MANF: variants seen among roughly 807,000 people sequenced by gnomAD.
The protein encoded by MANF is mesencephalic astrocyte-derived neurotrophic factor.
In MANF, 9 loss-of-function variants were observed where a neutral mutation model predicts 19.1. That is an observed-to-expected ratio of 0.47 (90% CI 0.28 to 0.82). The LOEUF (loss-of-function observed/expected upper bound fraction) is 0.82. Among genes scored for constraint, MANF ranks in the 40% least tolerant of loss-of-function variants. The pLI, the probability that MANF is intolerant of heterozygous loss-of-function variation, is 0.10. For missense variants in MANF, 225 were observed against 226.7 expected (o/e 0.99, Z 0.05); for synonymous variants, 89 against 88.0 (o/e 1.01, Z -0.06).
In MANF at chr3:51,385,733, C is replaced by A. The variant is rs542095489; in HGVS notation, c.94+297C>A. 2.2e-5 allele frequency: 7 copies of A among 317,162 alleles called. No individual in the cohort carries two copies. In the South Asian group the frequency reaches 4.0e-4, roughly 18 times the overall value. The allele number at this position is 317,162 out of a possible 1,614,324, so 19.6% of individuals were successfully genotyped here. A position where few individuals can be genotyped will look rare whatever the true frequency, so the allele number is the denominator to read the frequency against. ...TGTCCCCACCACCATCTAGAGGTTACCGCTCCCCGTTCGGCGTCGGGAGCT... is the reference window on the plus strand; with the variant it reads ...TGTCCCCACCACCATCTAGAGGTTAACGCTCCCCGTTCGGCGTCGGGAGCT... On this transcript the variant is annotated intron_variant, in intron 1 of 3. Transcript: ENST00000528157.
chr3:51,388,994 A>C lies in MANF; in HGVS notation c.454A>C (p.Lys152Gln). 19 of 1,609,076 alleles carry C rather than the reference A, an allele frequency of 1.2e-5. No homozygotes were observed. Among genetic ancestry groups the C allele is most frequent in the Non-Finnish European group, 1.6e-5 (19 of 1,177,548 alleles). ...KILDDWGETC[K>Q]GCAEKSDYIR... is the part of the protein sequence containing the mutation. ...TCTGGATGACTGGGGGGAGACATGC[A>C]AAGGCTGTGCAGAAAAGTCTGACTA... Residue 152 changes from lysine to glutamine, a missense_variant, in exon 4 of 4, where the codon AAA becomes CAA. Transcript: ENST00000528157.
rs929532691 is a variant in MANF, at chr3:51,388,010, G to A, written c.364+132G>A. 27 of 895,966 alleles carry A rather than the reference G, an allele frequency of 3.0e-5. No individual in the cohort carries two copies. The African/African-American group carries it at 4.0e-4, about 13-fold the overall frequency. 55.5% of individuals were successfully genotyped at this position (895,966 alleles called of 1,614,324 possible). Reference sequence around the variant, plus strand: ...ATGACAGATGGTGCTAAATGCTGGAGGGCTCTGGCATGGAAGTGGGTGGAG... The same window carrying A: ...ATGACAGATGGTGCTAAATGCTGGAAGGCTCTGGCATGGAAGTGGGTGGAG... On this transcript the variant is annotated intron_variant, in intron 3 of 3. Coordinates refer to ENST00000528157, the MANE Select transcript of MANF (RefSeq NM_006010.6).
At chr3:51,388,323 CTA>C (rs1424688912) in intron 3 of MANF, among the ~76,000 whole-genome samples, 2 of 152,330 alleles carry the variant, frequency 1.3e-5, no homozygotes, top group East Asian at 3.9e-4. Context: ...AAAAGAAACA[CTA>C]TGTCCAAGCA....
At chr3:51,387,661 G>A in intron 2 of MANF, 76 bp from the exon 3 acceptor site, 1 of 1,406,972 alleles carries the variant, frequency 7.1e-7, no homozygotes, top group Non-Finnish European at 9.8e-7. Flanking sequence ...GAGAGATGAT[G>A]TTTCAAGGTG....
intron 2 of MANF, 21 bp downstream of exon 2, chr3:51,386,356 C>T (rs183359314): frequency 7.6e-5 from 122 of 1,613,392 alleles, no homozygotes; most frequent in Non-Finnish European, 2.8e-5. Context: ...GGTGATCCTC[C>T]CCAACTGGCC....
Position 51,386,211 on chromosome 3 carries a change from G to T in MANF, c.98G>T (p.Cys33Phe). The change falls in exon 2 of 4, where the codon TGT (cysteine) becomes TTT (phenylalanine). Residue 33 changes from cysteine (C) to phenylalanine (F), a missense_variant. By Grantham distance (205) the Cys-to-Phe change is radical. Transcript: ENST00000528157. ...CTCCCGTCCCTCTCTTTTCCAGTTT[G>T]TATTTCTTATCTGGGAAGATTTTAC... Reference protein sequence around the residue: ...RALRPGDCEVCISYLGRFYQD... With the variant: ...RALRPGDCEVFISYLGRFYQD... 1 of 1,613,316 alleles carries T rather than the reference G, an allele frequency of 6.2e-7. No homozygotes were observed. The highest frequency in any genetic ancestry group is 8.5e-7 in the Non-Finnish European group (1 of 1,179,568).
intron 2 of MANF, 113 bp from the exon 3 acceptor site, chr3:51,387,624 A>C: frequency 1.0e-6 from 1 of 999,168 alleles, no homozygotes; most frequent in Non-Finnish European, 1.5e-6. Flanking sequence ...AGGGAGCCCT[A>C]TCTCAAAACA....
intron 2 of MANF, among the ~76,000 whole-genome samples, chr3:51,386,603 C>T (rs1392915402): frequency 6.6e-6 from 1 of 152,196 alleles, no homozygotes; most frequent in Non-Finnish European, 1.5e-5. Context: ...AAGTGACAGT[C>T]GGACACACAA....
At position 51,385,413 on chromosome 3, in the gene MANF, C is replaced by T; in HGVS notation, c.71C>T (p.Ala24Val). 1 of 1,236,364 alleles carries T rather than the reference C, an allele frequency of 8.1e-7. No homozygotes were observed. The highest frequency in any genetic ancestry group is 1.0e-6 in the Non-Finnish European group (1 of 989,052). The allele number at this position is 1,236,364 out of a possible 1,614,324, so 76.6% of individuals were successfully genotyped here. ...CTGAGCGTGCTGCCGGGCAGCCGGG[C>T]GCTGCGGCCGGGCGACTGCGAAGGT... ...LALSVLPGSR[A>V]LRPGDCEVCI... Residue 24 changes from alanine (A) to valine (V), a missense_variant, in exon 1 of 4, where the codon GCG (alanine) becomes GTG (valine). By Grantham distance (64) the Ala-to-Val change is moderately conservative. Transcript: ENST00000528157.
At position 51,385,337 on chromosome 3, in the gene MANF, AGGAGGATGAGGAGGATGT is replaced by A. The variant is rs1163365289; in HGVS notation, c.-3_15del. On this transcript the variant is annotated start_lost and 5_prime_UTR_variant, in exon 1 of 4. Coordinates refer to ENST00000528157, the MANE Select transcript of MANF (RefSeq NM_006010.6). ...GAGGAGGAGGAGGAGGAGGAGGATG[AGGAGGATGAGGAGGATGT>A]GGGCCACGCAGGGGCTGGCGGTGGC... 3 of 1,231,476 alleles carry A rather than the reference AGGAGGATGAGGAGGATGT, an allele frequency of 2.4e-6. No individual in the cohort carries two copies. In the Admixed American group the frequency reaches 1.3e-4, roughly 52 times the overall value. The allele number at this position is 1,231,476 out of a possible 1,614,324, so 76.3% of individuals were successfully genotyped here. A position where few individuals can be genotyped will look rare whatever the true frequency, so the allele number is the denominator to read the frequency against.
At position 51,389,310 on chromosome 3, in the gene MANF, A is replaced by AT. The variant is rs1438283311; in HGVS notation, c.*228dup. 11 of 455,350 alleles carry AT rather than the reference A, an allele frequency of 2.4e-5. No homozygotes were observed. Among genetic ancestry groups the AT allele is most frequent in the Non-Finnish European group, 4.2e-5 (11 of 261,752 alleles). The allele number at this position is 455,350 out of a possible 1,614,324, so 28.2% of individuals were successfully genotyped here. ...TCTAGGACTTCAAAGTGTGTCTGGG[A>AT]TTTTTTTATTAAAGAAAAAAAATTT... On this transcript the variant is annotated 3_prime_UTR_variant, in exon 4 of 4. Transcript: ENST00000528157.
intron 2 of MANF, among the ~76,000 whole-genome samples, chr3:51,387,214 G>A (rs899312826): frequency 5.3e-5 from 8 of 152,304 alleles, no homozygotes; most frequent in Middle Eastern, 3.4e-3. Flanking sequence ...CAGCACTTTG[G>A]GAGACCGAGG....
Position 51,386,467 on chromosome 3 carries a change from G to C in MANF, c.222+132G>C. ...CTACTCTCTCCATAAACTAATGTGA[G>C]AAGACTGAAGTGCTTCTATGTCCTT... On this transcript the variant is annotated intron_variant, in intron 2 of 3. Transcript: ENST00000528157. 5.3e-6 allele frequency: 5 copies of C among 952,298 alleles called. No individual in the cohort carries two copies. In the South Asian group the frequency reaches 8.3e-5, roughly 16 times the overall value. 59.0% of individuals were successfully genotyped at this position (952,298 alleles called of 1,614,324 possible).
intron 1 of MANF, 163 bp downstream of exon 1, chr3:51,385,599 C>G (rs1392808165): frequency 1.0e-5 from 4 of 399,140 alleles, no homozygotes; most frequent in Admixed American, 4.5e-5. Context: ...CTCCGGCGCC[C>G]GCCCTAGTAA....
Position 51,389,262 on chromosome 3 carries a change from C to G in MANF, c.*173C>G, listed in dbSNP as rs2106637791. ...CTACAGTACCCCCATGAGGGGATTCCCTTCCTTCTGTTGCTGGTGTACTCT... is the reference window on the plus strand; with the variant it reads ...CTACAGTACCCCCATGAGGGGATTCGCTTCCTTCTGTTGCTGGTGTACTCT... On this transcript the variant is annotated 3_prime_UTR_variant, in exon 4 of 4. Transcript: ENST00000528157. 1.8e-6 allele frequency: 1 copy of G among 570,690 alleles called. No homozygotes were observed. The highest frequency in any genetic ancestry group is 3.2e-5 in the East Asian group (1 of 31,420). 35.4% of individuals were successfully genotyped at this position (570,690 alleles called of 1,614,324 possible).
intron 3 of MANF, 99 bp downstream of exon 3, chr3:51,387,977 T>C (rs2088978958): frequency 8.2e-7 from 1 of 1,218,070 alleles, no homozygotes; most frequent in South Asian, 1.4e-5. Flanking sequence ...ATGAGTGGGT[T>C]GTATTGTATG....
chr3:51,385,414 G>A lies in MANF; in HGVS notation c.72G>A (p.Ala24=). The A allele has an allele frequency of 1.6e-6, 2 of 1,237,136 alleles. No individual in the cohort carries two copies. Among genetic ancestry groups the A allele is most frequent in the Non-Finnish European group, 2.0e-6 (2 of 989,334 alleles). 76.6% of individuals were successfully genotyped at this position (1,237,136 alleles called of 1,614,324 possible). ...TGAGCGTGCTGCCGGGCAGCCGGGCGCTGCGGCCGGGCGACTGCGAAGGTG... is the reference window on the plus strand; with the variant it reads ...TGAGCGTGCTGCCGGGCAGCCGGGCACTGCGGCCGGGCGACTGCGAAGGTG... ...LALSVLPGSR[A]LRPGDCEVCI... is the part of the protein sequence containing the mutation. Residue 24 remains alanine, a synonymous_variant, in exon 1 of 4, where the codon GCG becomes GCA. Transcript: ENST00000528157.
At chr3:51,388,516 A>G (rs2088985142) in intron 3 of MANF, among the ~76,000 whole-genome samples, 2 of 152,198 alleles carry the variant, frequency 1.3e-5, no homozygotes, top group Admixed American at 1.3e-4. Flanking sequence ...CACTGTGGTC[A>G]TGGAGAGTAA....
chr3:51,385,898 C>G, intron 1 of MANF: 1 of 331,218 alleles, frequency 3.0e-6, no homozygotes. Flanking sequence ...TTTATGAGGT[C>G]ACAGTGAGTC....
Sources: allele counts gnomAD v4.1 joint callset (sites outside exome capture counted in the v4.1 genomes callset), GRCh38; gene constraint gnomAD v4.1.1; transcripts MANE v1.5; gene names NCBI Gene and HGNC (gene_info 2026-07-23, HGNC 2026-07-21).